PRR13: variants seen among roughly 807,000 people sequenced by gnomAD.
The protein encoded by PRR13 is proline rich 13.
Under a neutral mutation model 11.5 loss-of-function variants are expected in PRR13, and 7 were observed. That is an observed-to-expected ratio of 0.61 (90% CI 0.34 to 1.14). The LOEUF (loss-of-function observed/expected upper bound fraction) is 1.14. Among genes scored for constraint, PRR13 ranks in the 50% most tolerant of loss-of-function variants. PRR13 has a pLI of 0.03. For missense variants in PRR13, 155 were observed against 194.4 expected (o/e 0.80, Z 1.21); for synonymous variants, 53 against 67.8 (o/e 0.78, Z 1.07).
chr12:53,443,813 C>T (rs1418988714), intron 3 of PRR13, 40 bp downstream of exon 3: 2 of 1,556,186 alleles, frequency 1.3e-6, no homozygotes, highest in African/African-American at 2.7e-5. Context: ...AGGAGTCCCC[C>T]CTCAGAGGGA....
Position 53,442,706 on chromosome 12 carries a change from C to T in PRR13, c.-9C>T. 6.2e-7 allele frequency: 1 copy of T among 1,610,232 alleles called. No individual in the cohort carries two copies. The highest frequency in any genetic ancestry group is 8.5e-7 in the Non-Finnish European group (1 of 1,176,538). ...TTCTTTCTCCTCAGGCTGGAGGACA[C>T]ACCTAAACATGTGGAATCCCAATGC... On this transcript the variant is annotated 5_prime_UTR_variant, in exon 2 of 4. Transcript: ENST00000429243.
Position 53,441,774 on chromosome 12 carries a change from C to T in PRR13, c.-39C>T. 1 of 702,218 alleles carries T rather than the reference C, an allele frequency of 1.4e-6. No homozygotes were observed. Among genetic ancestry groups the T allele is most frequent in the Non-Finnish European group, 2.6e-6 (1 of 384,780 alleles). The allele number at this position is 702,218 out of a possible 1,614,324, so 43.5% of individuals were successfully genotyped here. On this transcript the variant is annotated 5_prime_UTR_variant, in exon 1 of 4. Transcript: ENST00000429243. ...AGACTGCGAAGGAGAACGCAGCAAG[C>T]CCAGGCGGCGGTGGAAAGGTGATGG...
chr12:53,443,901 T>C (rs1940348209), intron 3 of PRR13, 128 bp downstream of exon 3: 8 of 1,115,452 alleles, frequency 7.2e-6, no homozygotes, highest in Non-Finnish European at 8.8e-6. Context: ...CTCTGGTAGA[T>C]GATTCTTCCT....
At chr12:53,445,346 T>TAAA (rs4020479) in intron 3 of PRR13, among the ~76,000 whole-genome samples, 7 of 106,634 alleles carry the variant, frequency 6.6e-5, no homozygotes, top group African/African-American at 9.1e-5. Context: ...AAACTCCGTC[T>TAAA]AAAAAAAAAA....
At chr12:53,444,355 A>C (rs1457822734) in intron 3 of PRR13, among the ~76,000 whole-genome samples, 5 of 139,668 alleles carry the variant, frequency 3.6e-5, no homozygotes, top group African/African-American at 1.3e-4. Flanking sequence ...TTTGAGACGG[A>C]GTCCCGCTCT....
At chr12:53,445,122 C>T (rs917214175) in intron 3 of PRR13, among the ~76,000 whole-genome samples, 5 of 151,996 alleles carry the variant, frequency 3.3e-5, no homozygotes, top group African/African-American at 1.2e-4. Context: ...GATTCCGGGG[C>T]GGGCGGATCA....
In PRR13 at chr12:53,446,069, C is replaced by G. The variant is rs763144354; in HGVS notation, c.*10C>G. On this transcript the variant is annotated 3_prime_UTR_variant, in exon 4 of 4. Transcript: ENST00000429243. ...CAGTGATTCTGACTGAATACAGGCC[C>G]TGGACCCTTCCCTCAAGTCTCACCA... The G allele has an allele frequency of 6.2e-7, 1 of 1,613,360 alleles. No homozygotes were observed. Among genetic ancestry groups the G allele is most frequent in the South Asian group, 1.1e-5 (1 of 91,048 alleles).
chr12:53,445,077 C>T (rs988251669), intron 3 of PRR13, among the ~76,000 whole-genome samples: 19 of 152,058 alleles, frequency 1.2e-4, no homozygotes, highest in Admixed American at 1.2e-3. Flanking sequence ...GAAGGCTGTG[C>T]GCCGTGGTCC....
Position 53,443,638 on chromosome 12 carries a change from TC to T in PRR13, c.269del (p.Pro90LeufsTer2), listed in dbSNP as rs1940341817. 6.2e-7 allele frequency: 1 copy of T among 1,614,094 alleles called. No homozygotes were observed. The highest frequency in any genetic ancestry group is 2.2e-5 in the East Asian group (1 of 44,874). ...PYPPPAPGIP[P>X]VNPLAPGMVG... ...ACCCACCGCCTGCCCCTGGAATCCCTCCTGTGAATCCCTTGGCTCCTGGCAT... is the reference window on the plus strand; with the variant it reads ...ACCCACCGCCTGCCCCTGGAATCCCTCTGTGAATCCCTTGGCTCCTGGCAT... On this transcript the variant is annotated frameshift_variant, in exon 3 of 4. Coordinates refer to ENST00000429243, the MANE Select transcript of PRR13 (RefSeq NM_018457.4). LOFTEE classifies it high-confidence loss of function.
intron 1 of PRR13, chr12:53,442,040 T>G (rs924689530): frequency 1.0e-5 from 6 of 574,326 alleles, no homozygotes; most frequent in African/African-American, 7.5e-5. Context: ...AGATCCTTTC[T>G]TACTCTGTGC....
At chr12:53,442,022 G>A in intron 1 of PRR13, 2 of 590,130 alleles carry the variant, frequency 3.4e-6, no homozygotes, top group African/African-American at 1.9e-5. Context: ...GAGAGAGAAA[G>A]TTGTTTGAGA....
rs1195609414 is a variant in PRR13 at position 53,446,060 on chromosome 12, A to AT, written c.*2dup. The AT allele has an allele frequency of 6.3e-7, 1 of 1,596,606 alleles. No individual in the cohort carries two copies. The highest frequency in any genetic ancestry group is 8.5e-7 in the Non-Finnish European group (1 of 1,172,798). ...CTCTTCCAGCAGTGATTCTGACTGAATACAGGCCCTGGACCCTTCCCTCAA... is the reference window on the plus strand; with the variant it reads ...CTCTTCCAGCAGTGATTCTGACTGAATTACAGGCCCTGGACCCTTCCCTCAA... On this transcript the variant is annotated 3_prime_UTR_variant, in exon 4 of 4. Transcript: ENST00000429243.
chr12:53,442,135 G>A (rs1940303396), intron 1 of PRR13: 1 of 390,054 alleles, frequency 2.6e-6, no homozygotes. Context: ...GCCTACTTCC[G>A]AAGAGTTAGA....
chr12:53,443,045 TG>T (rs1940326398), intron 2 of PRR13: 1 of 365,066 alleles, frequency 2.7e-6, no homozygotes, highest in Non-Finnish European at 4.9e-6. Flanking sequence ...TTAGTAGAGA[TG>T]GGGGTTTCAC....
At chr12:53,442,106 GC>G (rs1940302924) in intron 1 of PRR13, 2 of 442,142 alleles carry the variant, frequency 4.5e-6, no homozygotes, top group South Asian at 6.9e-5. Flanking sequence ...TGATGGTGGG[GC>G]CGAGACTCGC....
At chr12:53,444,511 A>G (rs1438906766) in intron 3 of PRR13, among the ~76,000 whole-genome samples, 2 of 152,042 alleles carry the variant, frequency 1.3e-5, no homozygotes, top group South Asian at 2.1e-4. Context: ...TTGTATTTTT[A>G]GTAGAGATGG....
intron 2 of PRR13, chr12:53,443,148 C>T (rs1196056368): frequency 1.1e-5 from 5 of 462,606 alleles, no homozygotes; most frequent in African/African-American, 2.0e-5. Context: ...TGAGCCACCG[C>T]GCCTGGACTG....
At chr12:53,443,885 G>C in intron 3 of PRR13, 112 bp downstream of exon 3, 1 of 1,235,922 alleles carries the variant, frequency 8.1e-7, no homozygotes, top group Non-Finnish European at 1.1e-6. Flanking sequence ...GATGACAATT[G>C]TGTCGCTCTG....
Position 53,446,235 on chromosome 12 carries a change from A to G in PRR13, c.*176A>G. On this transcript the variant is annotated 3_prime_UTR_variant, in exon 4 of 4. Transcript: ENST00000429243. The stretch of plus-strand genomic sequence containing the variant: ...TAGGGGAAATGGGAAGAGGATTGCC[A>G]TGGCCTGGCCATCTTGTTGCTGCTT... 8.5e-7 allele frequency: 1 copy of G among 1,175,722 alleles called. No homozygotes were observed. The allele number at this position is 1,175,722 out of a possible 1,614,324, so 72.8% of individuals were successfully genotyped here.
Sources: gnomAD v4.1 joint callset for allele counts (sites outside exome capture counted in the v4.1 genomes callset) on GRCh38, gnomAD v4.1.1 for gene constraint, MANE v1.5 for transcripts, NCBI Gene and HGNC (gene_info 2026-07-23, HGNC 2026-07-21) for gene names.